The following CSMD1 variants were observed in gnomAD, a reference collection of about 807,000 sequenced individuals.
The protein encoded by CSMD1 is CUB and sushi domain-containing protein 1.
In CSMD1, 213 loss-of-function variants were observed where a neutral mutation model predicts 417.5. The observed-to-expected ratio is 0.51, with a 90% CI of 0.46 to 0.57. CSMD1 has a LOEUF of 0.57. Among genes scored for constraint, CSMD1 ranks in the 20% least tolerant of loss-of-function variants. The pLI is 0.00. For synonymous variants in CSMD1, 2,862 were observed against 1,736.8 expected, an observed-to-expected ratio of 1.65 and a Z score of -16.11; for missense variants, 6,923 against 4,529.7, an observed-to-expected ratio of 1.53 and a Z score of -15.17.
At chr8:3,327,614 C>T (rs1408921877) in intron 23 of CSMD1, among the ~76,000 whole-genome samples, 3 of 152,054 alleles carry the variant, frequency 2.0e-5, no homozygotes, top group Non-Finnish European at 2.9e-5. Context: ...ATAATTGTTT[C>T]AGTAGTGACC....
At chr8:3,056,189 C>T (rs1812206943) in intron 49 of CSMD1, among the ~76,000 whole-genome samples, 1 of 152,174 alleles carries the variant, frequency 6.6e-6, no homozygotes. Flanking sequence ...TGGCTTACTT[C>T]ACTTACATAT....
intron 20 of CSMD1, among the ~76,000 whole-genome samples, chr8:3,365,102 A>G (rs753380945): frequency 2.6e-5 from 4 of 152,182 alleles, no homozygotes; most frequent in Non-Finnish European, 5.9e-5. Flanking sequence ...TCATAGCAAT[A>G]CTAATTGAGA....
intron 1 of CSMD1, among the ~76,000 whole-genome samples, chr8:4,692,329 G>T (rs944720907): frequency 6.6e-6 from 1 of 152,112 alleles, no homozygotes; most frequent in Non-Finnish European, 1.5e-5. Flanking sequence ...AACAAAAAAA[G>T]AATGTATTAA....
chr8:3,804,860 G>C (rs11992997), intron 5 of CSMD1, among the ~76,000 whole-genome samples: 70,880 of 151,922 alleles, frequency 0.47, 17,510 homozygotes, highest in African/African-American at 0.64. Context: ...TTTCTTTCCT[G>C]TTACATGATT....
intron 5 of CSMD1, among the ~76,000 whole-genome samples, chr8:3,967,928 G>T (rs532197593): frequency 5.9e-5 from 9 of 151,430 alleles, no homozygotes; most frequent in Middle Eastern, 3.4e-3. Flanking sequence ...AGCACTTTGG[G>T]AGGCCGAGGT....
chr8:3,468,843 T>A lies in CSMD1; in HGVS notation c.1449-19A>T, dbSNP rs1459177814. On this transcript the variant is annotated intron_variant, in intron 11 of 69. Transcript: ENST00000635120. ...CGTGAGCCTGCAAGAAAGAGAAATG[T>A]CAAAGCTTTTAGGTAAGGCAACAAG... The A allele has an allele frequency of 6.5e-7, 1 of 1,535,914 alleles. No homozygotes were observed. The highest frequency in any genetic ancestry group is 1.2e-5 in the South Asian group (1 of 84,828).
At chr8:4,943,796 T>G (rs1029400741) in intron 1 of CSMD1, among the ~76,000 whole-genome samples, 2 of 151,974 alleles carry the variant, frequency 1.3e-5, no homozygotes, top group Non-Finnish European at 2.9e-5. Flanking sequence ...TTAGAAAAAA[T>G]CCCTTATGAA....
At chr8:4,544,966 G>C (rs1013063132) in intron 2 of CSMD1, among the ~76,000 whole-genome samples, 2 of 151,946 alleles carry the variant, frequency 1.3e-5, no homozygotes, top group East Asian at 3.8e-4. Context: ...TATGTCACTT[G>C]TTGTCTATAA....
chr8:3,705,470 A>C (rs7825205), intron 7 of CSMD1, among the ~76,000 whole-genome samples: 1 of 152,118 alleles, frequency 6.6e-6, no homozygotes. Context: ...ACAGCCTCAC[A>C]CTCTACAGTG....
At chr8:3,301,207 C>T (rs969708537) in intron 25 of CSMD1, among the ~76,000 whole-genome samples, 1 of 151,048 alleles carries the variant, frequency 6.6e-6, no homozygotes, top group African/African-American at 2.4e-5. Flanking sequence ...TAAAACAAAC[C>T]ATATTGTTTG....
At chr8:4,253,054 C>G (rs560679893) in intron 3 of CSMD1, among the ~76,000 whole-genome samples, 1 of 152,160 alleles carries the variant, frequency 6.6e-6, no homozygotes, top group Non-Finnish European at 1.5e-5. Flanking sequence ...CAACGTCTTA[C>G]GATGAGACTA....
At chr8:3,864,703 T>A (rs150644408) in intron 5 of CSMD1, among the ~76,000 whole-genome samples, 2 of 151,846 alleles carry the variant, frequency 1.3e-5, no homozygotes, top group African/African-American at 2.4e-5. Flanking sequence ...TACTGGGAGG[T>A]TGGAACATTA....
At chr8:4,226,071 C>CAG (rs1801334124) in intron 3 of CSMD1, among the ~76,000 whole-genome samples, 1 of 72,816 alleles carries the variant, frequency 1.4e-5, no homozygotes, top group East Asian at 3.6e-4. Context: ...CAGGCGGACA[C>CAG]ACACACACAC....
chr8:4,364,994 A>G (rs1393283610), intron 3 of CSMD1, among the ~76,000 whole-genome samples: 1 of 152,168 alleles, frequency 6.6e-6, no homozygotes, highest in Non-Finnish European at 1.5e-5. Flanking sequence ...GAAAACATTT[A>G]TATTCTAATG....
At chr8:4,077,349 T>G (rs1193855039) in intron 3 of CSMD1, among the ~76,000 whole-genome samples, 1 of 129,052 alleles carries the variant, frequency 7.7e-6, no homozygotes, top group Non-Finnish European at 1.7e-5. Flanking sequence ...ATATATAATT[T>G]ATATTTTTTA....
At chr8:4,426,854 T>A (rs548084163) in intron 2 of CSMD1, among the ~76,000 whole-genome samples, 1 of 151,458 alleles carries the variant, frequency 6.6e-6, no homozygotes, top group African/African-American at 2.4e-5. Flanking sequence ...TACTATATTA[T>A]AGCAGAATTC....
intron 5 of CSMD1, among the ~76,000 whole-genome samples, chr8:3,774,733 G>A (rs139781896): frequency 1.1e-3 from 174 of 152,192 alleles, no homozygotes; most frequent in African/African-American, 3.5e-3. Context: ...TCAAATTTTG[G>A]TGAAAGGATT....
chr8:3,296,942 G>C (rs1804017443), intron 25 of CSMD1, among the ~76,000 whole-genome samples: 1 of 152,134 alleles, frequency 6.6e-6, no homozygotes, highest in Non-Finnish European at 1.5e-5. Context: ...AGTCAGAGTG[G>C]AGAAAATAAA....
At chr8:3,868,479 C>T (rs1017624563) in intron 5 of CSMD1, among the ~76,000 whole-genome samples, 1 of 152,098 alleles carries the variant, frequency 6.6e-6, no homozygotes, top group African/African-American at 2.4e-5. Flanking sequence ...GGAAGGGGCT[C>T]TCTCATTCAA....
Sources: allele counts gnomAD v4.1 joint callset (sites outside exome capture counted in the v4.1 genomes callset), GRCh38; gene constraint gnomAD v4.1.1; transcripts MANE v1.5; gene names NCBI Gene and HGNC (gene_info 2026-07-23, HGNC 2026-07-21).